The following AMBP variants were observed in gnomAD, a reference collection of about 807,000 sequenced individuals.
AMBP encodes protein AMBP.
In AMBP, 37 loss-of-function variants were observed where a neutral mutation model predicts 46.3. That is an observed-to-expected ratio of 0.80 (90% CI 0.61 to 1.05). The LOEUF (loss-of-function observed/expected upper bound fraction) is 1.05, where lower values mean the gene tolerates loss of function less well. Ranked by LOEUF, AMBP falls within the 50% of genes least tolerant of loss-of-function variation. The pLI, the probability that AMBP is intolerant of heterozygous loss-of-function variation, is 0.00. For synonymous variants in AMBP, 174 were observed against 175.9 expected (o/e 0.99, Z 0.09); for missense variants, 475 against 461.2 (o/e 1.03, Z -0.27).
intron 6 of AMBP, among the ~76,000 whole-genome samples, chr9:114,069,100 GTACA>G (rs1846720178): frequency 6.6e-6 from 1 of 151,684 alleles, no homozygotes; most frequent in Non-Finnish European, 1.5e-5. Context: ...ATATACCCAT[GTACA>G]TACATACATA....
Position 114,060,837 on chromosome 9 carries a change from C to G in AMBP, c.1027+88G>C. 5 of 1,444,032 alleles carry G rather than the reference C, an allele frequency of 3.5e-6. 1 individual carries two copies. In the South Asian group the frequency reaches 6.7e-5, roughly 19 times the overall value. 89.5% of individuals were successfully genotyped at this position (1,444,032 alleles called of 1,614,324 possible). The stretch of plus-strand genomic sequence containing the variant: ...ACCAGGTACAGAGTCCAGAACTCAG[C>G]TCTCCAGACCCCTACTCCTCCCAGG... On this transcript the variant is annotated intron_variant, in intron 9 of 9. Coordinates refer to ENST00000265132, the MANE Select transcript of AMBP (RefSeq NM_001633.4).
chr9:114,070,000 A>T, intron 5 of AMBP: 2 of 535,790 alleles, frequency 3.7e-6, no homozygotes, highest in Non-Finnish European at 3.3e-6. Context: ...TCATGGAAAG[A>T]ATAGCAATAG....
chr9:114,075,094 C>T, intron 2 of AMBP, 58 bp from the exon 3 acceptor site: 3 of 1,413,918 alleles, frequency 2.1e-6, no homozygotes, highest in Non-Finnish European at 3.0e-6. Flanking sequence ...GGTCCTGACA[C>T]TCAACCCTCC....
chr9:114,064,176 C>T (rs1049502006), intron 6 of AMBP, among the ~76,000 whole-genome samples: 4 of 152,220 alleles, frequency 2.6e-5, no homozygotes, highest in Admixed American at 2.6e-4. Flanking sequence ...AAGACATTCT[C>T]AGCCTTGCAA....
intron 3 of AMBP, 62 bp from the exon 4 acceptor site, chr9:114,074,214 G>C: frequency 7.6e-7 from 1 of 1,324,218 alleles, no homozygotes; most frequent in Non-Finnish European, 1.1e-6. Context: ...CTAGCTGGAG[G>C]TCCGTCACCT....
chr9:114,067,274 G>A (rs1473072904), intron 6 of AMBP, among the ~76,000 whole-genome samples: 1 of 152,034 alleles, frequency 6.6e-6, no homozygotes, highest in African/African-American at 2.4e-5. Context: ...AGGTCTCACT[G>A]TTGCCCAGGC....
rs766575102 is a variant in AMBP, at chr9:114,061,573, T to C, written c.704A>G (p.Tyr235Cys). The change falls in exon 8 of 10, where the codon TAC becomes TGC. Residue 235 changes from tyrosine to cysteine, a missense_variant. Physicochemically the swap from Tyr to Cys is radical, Grantham distance 194. Coordinates refer to ENST00000265132, the MANE Select transcript of AMBP (RefSeq NM_001633.4). The stretch of plus-strand genomic sequence containing the variant: ...CATTCCCATGCAGGGACCGGCCGAG[T>C]AGCCCAGCTGGCAGGAATCTAGGGA... ...TKKEDSCQLG[Y>C]SAGPCMGMTS... The C allele has an allele frequency of 3.1e-6, 5 of 1,603,406 alleles. No homozygotes were observed. The highest frequency in any genetic ancestry group is 1.1e-5 in the South Asian group (1 of 89,954).
At chr9:114,076,819 C>G in intron 1 of AMBP, 79 bp from the exon 2 acceptor site, 1 of 1,503,276 alleles carries the variant, frequency 6.7e-7, no homozygotes. Flanking sequence ...GCTCCCCACC[C>G]TCCACCTCCT....
chr9:114,062,624 GC>G (rs1288346210), intron 7 of AMBP, 52 bp downstream of exon 7: 5 of 1,574,786 alleles, frequency 3.2e-6, no homozygotes, highest in East Asian at 4.5e-5. Context: ...CCAACTGTGG[GC>G]CCTTCCTTTC....
intron 2 of AMBP, among the ~76,000 whole-genome samples, chr9:114,076,355 T>C (rs1846806739): frequency 6.6e-6 from 1 of 151,758 alleles, no homozygotes; most frequent in South Asian, 2.1e-4. Context: ...CACACTGGGC[T>C]AAGGAATGCC....
At chr9:114,077,970 T>C in intron 1 of AMBP, 123 bp downstream of exon 1, 6 of 941,866 alleles carry the variant, frequency 6.4e-6, no homozygotes, top group Non-Finnish European at 1.0e-5. Flanking sequence ...AAGGATCCCA[T>C]AATCCCAGAT....
chr9:114,061,489 C>A lies in AMBP; in HGVS notation c.788G>T (p.Gly263Val). ...GAAGTTGTTACCGTTGCCCATGCAG[C>A]CGCCGTACTGGAAAGTCTCACAGGC... ...SMACETFQYG[G>V]CMGNGNNFVT... Residue 263 changes from glycine (G) to valine (V), a missense_variant, in exon 8 of 10, where the codon GGC (glycine) becomes GTC (valine). Physicochemically the swap from Gly to Val is moderately radical, Grantham distance 109. This residue lies in a region of AMBP where 293 missense variants were observed against 276.9 expected (regional missense o/e 1.06). Transcript: ENST00000265132. The A allele has an allele frequency of 6.2e-7, 1 of 1,614,160 alleles. No individual in the cohort carries two copies. Among genetic ancestry groups the A allele is most frequent in the Non-Finnish European group, 8.5e-7 (1 of 1,180,028 alleles).
chr9:114,078,015 C>T (rs376953180), intron 1 of AMBP, 78 bp downstream of exon 1: 48 of 1,429,052 alleles, frequency 3.4e-5, no homozygotes, highest in Middle Eastern at 1.7e-4. Context: ...CGAGACAGGC[C>T]GCACTTGCCC....
chr9:114,073,207 G>T (rs536757952), intron 4 of AMBP, among the ~76,000 whole-genome samples, 181 bp from the exon 5 acceptor site: 1 of 152,046 alleles, frequency 6.6e-6, no homozygotes, highest in South Asian at 2.1e-4. Context: ...TCTCTCCCAG[G>T]TTCCCACCCA....
chr9:114,076,842 CCTT>C (rs1588492365), intron 1 of AMBP, 102 bp from the exon 2 acceptor site: 57 of 1,387,864 alleles, frequency 4.1e-5, no homozygotes, highest in South Asian at 4.0e-4. Flanking sequence ...TCTTCCTCCT[CCTT>C]CTCCTCAAAA....
In AMBP at chr9:114,069,685, G is replaced by A; in HGVS notation, c.603+14C>T. The A allele has an allele frequency of 6.2e-7, 1 of 1,611,128 alleles. No individual in the cohort carries two copies. The highest frequency in any genetic ancestry group is 1.3e-5 in the African/African-American group (1 of 74,988). On this transcript the variant is annotated intron_variant, in intron 6 of 9. Coordinates refer to ENST00000265132, the MANE Select transcript of AMBP (RefSeq NM_001633.4). ...GGGATGGGGTGGGATGGGGTCGGGG[G>A]ATGAGGCACTCACCGGGATTAAGAT...
intron 1 of AMBP, chr9:114,077,604 C>T (rs1846827596): frequency 6.1e-6 from 1 of 163,594 alleles, no homozygotes; most frequent in East Asian, 1.7e-4. Context: ...CCATAAGCCC[C>T]ACATGCCCAA....
At chr9:114,076,230 G>C (rs1216706366) in intron 2 of AMBP, among the ~76,000 whole-genome samples, 1 of 151,922 alleles carries the variant, frequency 6.6e-6, no homozygotes, top group Non-Finnish European at 1.5e-5. Context: ...GTGGAGAGGG[G>C]AGAAGTGAAC....
chr9:114,070,358 C>T (rs1183386337), intron 5 of AMBP, among the ~76,000 whole-genome samples: 1 of 152,136 alleles, frequency 6.6e-6, no homozygotes, highest in East Asian at 1.9e-4. Flanking sequence ...CATCCTTATG[C>T]AGCCAGGTAG....
Sources: allele counts gnomAD v4.1 joint callset (sites outside exome capture counted in the v4.1 genomes callset), GRCh38; gene constraint gnomAD v4.1.1; regional missense constraint gnomAD v4.1.1; transcripts MANE v1.5; gene names NCBI Gene and HGNC (gene_info 2026-07-23, HGNC 2026-07-21).